The following DPP6 variants were observed in gnomAD, a reference collection of about 807,000 sequenced individuals.
DPP6 encodes A-type potassium channel modulatory protein DPP6.
In DPP6, 69 loss-of-function variants were observed where a neutral mutation model predicts 122.6. That is an observed-to-expected ratio of 0.56 (90% CI 0.46 to 0.69). The LOEUF (loss-of-function observed/expected upper bound fraction) is 0.69. Ranked by LOEUF, DPP6 falls within the 30% of genes least tolerant of loss-of-function variation. DPP6 has a pLI of 0.00. For synonymous variants in DPP6, 418 were observed against 433.1 expected (o/e 0.97, Z 0.43); for missense variants, 928 against 1,116.9 (o/e 0.83, Z 2.41).
In DPP6 at chr7:154,787,991, T is replaced by G. The variant is rs148216575; in HGVS notation, c.1137-6088T>G. Among the ~76,000 whole-genome samples, 74 of 152,354 alleles carry G rather than the reference T, an allele frequency of 4.9e-4. 2 individuals are homozygous for G. The East Asian group carries it at 0.014, about 29-fold the overall frequency. ...ATTTGCCCAGTATTTCTTTATATTATTTTTATCACTTAATTTGAATTTATC... is the reference window on the plus strand; with the variant it reads ...ATTTGCCCAGTATTTCTTTATATTAGTTTTATCACTTAATTTGAATTTATC... On this transcript the variant is annotated intron_variant, in intron 10 of 25. Transcript: ENST00000377770.
At position 154,700,437 on chromosome 7, in the gene DPP6, AG is replaced by A. The variant is rs1840454842; in HGVS notation, c.763-27328del. Among the ~76,000 whole-genome samples, 3 of 152,360 alleles carry A rather than the reference AG, an allele frequency of 2.0e-5. No homozygotes were observed. In the South Asian group the frequency reaches 6.2e-4, roughly 32 times the overall value. ...GTATCATTTTTTGGGAGAGATCCTCAGGCAGTGGAGTGACAGGAGAAGGTTT... is the reference window on the plus strand; with the variant it reads ...GTATCATTTTTTGGGAGAGATCCTCAGCAGTGGAGTGACAGGAGAAGGTTT... On this transcript the variant is annotated intron_variant, in intron 7 of 25. Transcript: ENST00000377770.
chr7:154,747,514 G>C (rs1843089487), intron 8 of DPP6, among the ~76,000 whole-genome samples: 1 of 152,172 alleles, frequency 6.6e-6, no homozygotes, highest in South Asian at 2.1e-4. Context: ...CTGTAAGATG[G>C]AACTAGCAGC....
At chr7:154,727,399 C>T (rs938877764) in intron 7 of DPP6, among the ~76,000 whole-genome samples, 2 of 152,198 alleles carry the variant, frequency 1.3e-5, no homozygotes, top group African/African-American at 2.4e-5. Context: ...GCCCCATGAT[C>T]CAGTCACCTC....
In DPP6 at chr7:154,602,402, AT is replaced by A. The variant is rs1265490964; in HGVS notation, c.628-35416del. 1.7e-5 allele frequency among the ~76,000 whole-genome samples: 2 copies of A among 120,830 alleles called. 1 individual carries two copies. The highest frequency in any genetic ancestry group is 3.7e-5 in the Non-Finnish European group (2 of 53,626). The allele number at this position is 120,830 out of a possible 152,430, so 79.3% of individuals were successfully genotyped here. A position where few individuals can be genotyped will look rare whatever the true frequency, so the allele number is the denominator to read the frequency against. Reference sequence around the variant, plus strand: ...AAAAAAAACAGCTTTATATTTATCTATTTCTTAATTCTTGTTTGTTTTTGTT... The same window carrying A: ...AAAAAAAACAGCTTTATATTTATCTATTCTTAATTCTTGTTTGTTTTTGTT... On this transcript the variant is annotated intron_variant, in intron 5 of 25. Transcript: ENST00000377770.
chr7:154,329,789 C>T (rs1808757116), intron 1 of DPP6, among the ~76,000 whole-genome samples: 1 of 152,118 alleles, frequency 6.6e-6, no homozygotes, highest in Non-Finnish European at 1.5e-5. Context: ...AAATGCCCAT[C>T]AATGATAGAC....
At chr7:154,447,808 A>G (rs1156799214) in intron 2 of DPP6, among the ~76,000 whole-genome samples, 1 of 152,246 alleles carries the variant, frequency 6.6e-6, no homozygotes, top group Non-Finnish European at 1.5e-5. Flanking sequence ...TTAATAGAAT[A>G]AAGGGCAAAA....
chr7:154,157,627 A>T (rs1796750972), intron 1 of DPP6, among the ~76,000 whole-genome samples: 3 of 152,118 alleles, frequency 2.0e-5, no homozygotes, highest in African/African-American at 7.2e-5. Context: ...TCTCCATAAC[A>T]TGCTTAAATA....
intron 1 of DPP6, among the ~76,000 whole-genome samples, chr7:154,404,724 C>G (rs1414241392): frequency 6.6e-6 from 1 of 152,178 alleles, no homozygotes. Flanking sequence ...GGACTCCTCT[C>G]AATACTTGGT....
intron 1 of DPP6, among the ~76,000 whole-genome samples, chr7:153,957,660 C>T (rs1432042482): frequency 6.6e-6 from 1 of 152,146 alleles, no homozygotes; most frequent in Non-Finnish European, 1.5e-5. Context: ...TCCTGGCCTC[C>T]AATCCAGTGG....
Position 154,020,468 on chromosome 7 carries a change from G to A in DPP6, c.51+132734G>A, listed in dbSNP as rs544342271. Among the ~76,000 whole-genome samples, 6 of 151,920 alleles carry A rather than the reference G, an allele frequency of 3.9e-5. No homozygotes were observed. The South Asian group carries it at 1.3e-3, about 32-fold the overall frequency. On this transcript the variant is annotated intron_variant, in intron 1 of 25. Transcript: ENST00000404039. ...AGTGTTAGAGAACATTAAAAGATTA[G>A]CCTAGAGTCTCAGGTAGTTCAAGAG...
At chr7:153,857,611 G>A in the DPP6 span, among the ~76,000 whole-genome samples, 4 of 152,154 alleles carry the variant, frequency 2.6e-5, no homozygotes, top group Non-Finnish European at 5.9e-5. Context: ...TTTGTCATTT[G>A]ATGCCAGCTG....
chr7:153,943,355 A>C (rs1301316783), intron 1 of DPP6, among the ~76,000 whole-genome samples: 1 of 152,172 alleles, frequency 6.6e-6, no homozygotes, highest in Admixed American at 6.5e-5. Context: ...CGAGAGAGTG[A>C]CTTGTCTTGG....
At chr7:154,886,455 G>T (rs1004669157) in intron 22 of DPP6, among the ~76,000 whole-genome samples, 7 of 152,202 alleles carry the variant, frequency 4.6e-5, no homozygotes, top group African/African-American at 1.4e-4. Flanking sequence ...GGGGTTCCAG[G>T]CTCCTGCATT....
At chr7:154,891,645 G>C (rs995591949) in intron 25 of DPP6, among the ~76,000 whole-genome samples, 1 of 152,124 alleles carries the variant, frequency 6.6e-6, no homozygotes, top group Non-Finnish European at 1.5e-5. Flanking sequence ...GAGTGTAATG[G>C]CGCGATCTCG....
chr7:154,636,345 G>A (rs745397857), intron 5 of DPP6, among the ~76,000 whole-genome samples: 3 of 152,196 alleles, frequency 2.0e-5, no homozygotes, highest in Admixed American at 6.5e-5. Flanking sequence ...CTCTCTGAGC[G>A]GTGACCTGCT....
chr7:154,005,642 G>A (rs1276788827), intron 1 of DPP6, among the ~76,000 whole-genome samples: 1 of 150,980 alleles, frequency 6.6e-6, no homozygotes, highest in Non-Finnish European at 1.5e-5. Flanking sequence ...ACGTCGCCCA[G>A]GAGGCTGGAC....
chr7:154,673,078 C>T (rs935945840), intron 7 of DPP6, among the ~76,000 whole-genome samples: 2 of 152,168 alleles, frequency 1.3e-5, no homozygotes, highest in South Asian at 2.1e-4. Flanking sequence ...ACACCTGCTC[C>T]GTCTGCACAG....
At chr7:153,976,396 A>T (rs1796303673) in intron 1 of DPP6, among the ~76,000 whole-genome samples, 1 of 152,192 alleles carries the variant, frequency 6.6e-6, no homozygotes, top group Non-Finnish European at 1.5e-5. Flanking sequence ...CCAACTGCAT[A>T]CCACTCCATC....
chr7:154,132,179 C>T (rs955124677), intron 1 of DPP6, among the ~76,000 whole-genome samples: 3 of 152,034 alleles, frequency 2.0e-5, no homozygotes, highest in Non-Finnish European at 4.4e-5. Context: ...CTTCATCAGC[C>T]CTCATTATCA....
Sources: gnomAD v4.1 joint callset for allele counts (sites outside exome capture counted in the v4.1 genomes callset) on GRCh38, gnomAD v4.1.1 for gene constraint, MANE v1.5 for transcripts, NCBI Gene and HGNC (gene_info 2026-07-23, HGNC 2026-07-21) for gene names.